SRPK2: variants seen among roughly 807,000 people sequenced by gnomAD.
The protein encoded by SRPK2 is SRSF protein kinase 2.
A neutral mutation model predicts 90.8 loss-of-function variants in SRPK2; 21 were observed. The ratio of observed to expected loss-of-function variants is 0.23; its 90% CI spans 0.16 to 0.33. SRPK2 has a LOEUF of 0.33. SRPK2 is among the 10% of genes least tolerant of loss of function. The pLI is 1.00. For synonymous variants in SRPK2, 288 were observed against 311.1 expected, an observed-to-expected ratio of 0.93 and a Z score of 0.78; for missense variants, 620 against 869.0, an observed-to-expected ratio of 0.71 and a Z score of 3.60.
Position 105,142,123 on chromosome 7 carries a change from C to T in SRPK2, c.1428G>A (p.Val476=), listed in dbSNP as rs1157891901. The T allele has an allele frequency of 1.2e-6, 2 of 1,614,160 alleles. No homozygotes were observed. The highest frequency in any genetic ancestry group is 1.7e-5 in the Admixed American group (1 of 60,030). Residue 476 remains valine, a synonymous_variant, in exon 11 of 16, where the codon GTG becomes GTA. Transcript: ENST00000393651. The part of the protein sequence containing the change: ...TSLFSGSLEP[V]ACGSVLSEGS... ...CCTCAGAAAGCACAGAGCCGCAGGC[C>T]ACAGGTTCTAAGGATCCAGAGAACA...
At position 105,290,931 on chromosome 7, in the gene SRPK2, G is replaced by A. The variant is rs370183124; in HGVS notation, c.72-87146C>T. 2.9e-3 allele frequency among the ~76,000 whole-genome samples: 429 copies of A among 150,122 alleles called. 10 individuals are homozygous for A. The East Asian group carries it at 0.052, about 18-fold the overall frequency. ...CGGGCGCCTGTAGTCCCAGCTACTC[G>A]GGAGGCTGAGGCAGGAGAATGGCGT... On this transcript the variant is annotated intron_variant, in intron 2 of 15. Coordinates refer to ENST00000393651, the MANE Select transcript of SRPK2 (RefSeq NM_182692.3).
intron 2 of SRPK2, among the ~76,000 whole-genome samples, chr7:105,273,825 T>G (rs1281004352): frequency 6.6e-6 from 1 of 152,328 alleles, no homozygotes; most frequent in East Asian, 1.9e-4. Context: ...CATAGTCTTC[T>G]CAGCCTGTTA....
chr7:105,301,756 G>A (rs1810581377), intron 2 of SRPK2: 1 of 1,598,754 alleles, frequency 6.3e-7, no homozygotes, highest in Non-Finnish European at 8.6e-7. Context: ...GTAAAGCAGA[G>A]TATATTAGCC....
At chr7:105,283,796 G>C (rs1261380249) in intron 2 of SRPK2, among the ~76,000 whole-genome samples, 1 of 152,024 alleles carries the variant, frequency 6.6e-6, no homozygotes, top group Non-Finnish European at 1.5e-5. Flanking sequence ...TTCGAGACCA[G>C]CCTAGGTAAC....
intron 2 of SRPK2, among the ~76,000 whole-genome samples, chr7:105,319,610 G>GT (rs747104276): frequency 2.5e-4 from 37 of 146,378 alleles, no homozygotes; most frequent in Non-Finnish European, 5.4e-4. Flanking sequence ...GGCCTGAGAA[G>GT]GACTCCGTAC....
At chr7:105,384,821 C>A (rs1821344999) in intron 2 of SRPK2, among the ~76,000 whole-genome samples, 2 of 152,042 alleles carry the variant, frequency 1.3e-5, no homozygotes, top group Admixed American at 1.3e-4. Flanking sequence ...TGCACTACTG[C>A]AGGCCACTTC....
intron 11 of SRPK2, among the ~76,000 whole-genome samples, chr7:105,134,229 G>T (rs533949899): frequency 6.6e-6 from 1 of 152,230 alleles, no homozygotes; most frequent in African/African-American, 2.4e-5. Flanking sequence ...GTTAGAAGAG[G>T]GGCCTGGTGA....
chr7:105,195,048 TTTTTTG>T (rs1451753332), intron 3 of SRPK2, among the ~76,000 whole-genome samples: 1 of 152,252 alleles, frequency 6.6e-6, no homozygotes, highest in Non-Finnish European at 1.5e-5. Flanking sequence ...TATATTTTTA[TTTTTTG>T]TTTTTATTTT....
At chr7:105,243,539 G>A (rs920674316) in intron 2 of SRPK2, among the ~76,000 whole-genome samples, 2 of 150,620 alleles carry the variant, frequency 1.3e-5, no homozygotes, top group Non-Finnish European at 2.9e-5. Flanking sequence ...GGGCGTGGTA[G>A]TGCATGCCTT....
intron 2 of SRPK2, among the ~76,000 whole-genome samples, chr7:105,224,793 T>A (rs1172459970): frequency 6.6e-6 from 1 of 152,186 alleles, no homozygotes; most frequent in African/African-American, 2.4e-5. Context: ...ATTCCTATTT[T>A]CTTTCATGAA....
At chr7:105,126,468 C>G in intron 14 of SRPK2, 128 bp from the exon 15 acceptor site, 1 of 706,884 alleles carries the variant, frequency 1.4e-6, no homozygotes, top group African/African-American at 1.8e-5. Context: ...GTCTGCAGCA[C>G]ATCCATGCAG....
At chr7:105,298,598 C>G (rs1175746539) in intron 2 of SRPK2, 4 of 457,050 alleles carry the variant, frequency 8.8e-6, no homozygotes, top group Non-Finnish European at 1.2e-5. Context: ...GGCAACACAG[C>G]AAGATGGTAT....
intron 2 of SRPK2, among the ~76,000 whole-genome samples, chr7:105,250,194 G>A (rs1412653685): frequency 1.1e-5 from 1 of 90,508 alleles, no homozygotes; most frequent in South Asian, 3.6e-4. Context: ...AGCCAGACAT[G>A]GTGGCAGGCA....
At chr7:105,336,076 T>C (rs764069171) in intron 2 of SRPK2, among the ~76,000 whole-genome samples, 2 of 152,228 alleles carry the variant, frequency 1.3e-5, no homozygotes, top group African/African-American at 2.4e-5. Flanking sequence ...TCAAATGTTA[T>C]CTTATTTACA....
chr7:105,126,924 A>G, intron 14 of SRPK2, 69 bp downstream of exon 14: 1 of 1,441,288 alleles, frequency 6.9e-7, no homozygotes, highest in Non-Finnish European at 9.7e-7. Flanking sequence ...ACAAAAATAC[A>G]GTACTCTACA....
intron 2 of SRPK2, among the ~76,000 whole-genome samples, chr7:105,366,114 A>G (rs946813341): frequency 2.0e-5 from 3 of 151,922 alleles, no homozygotes; most frequent in Non-Finnish European, 4.4e-5. Flanking sequence ...CGGCCTCCCA[A>G]AGTGCTGGGA....
chr7:105,332,195 A>G (rs535990655), intron 2 of SRPK2, among the ~76,000 whole-genome samples: 19 of 152,312 alleles, frequency 1.2e-4, no homozygotes, highest in African/African-American at 4.6e-4. Flanking sequence ...TACATTCCTC[A>G]CTGCCACCTG....
chr7:105,193,494 T>TA (rs1418682347), intron 3 of SRPK2, among the ~76,000 whole-genome samples: 3 of 152,228 alleles, frequency 2.0e-5, no homozygotes, highest in Non-Finnish European at 4.4e-5. Flanking sequence ...TCTTTTTGCT[T>TA]AGTCTTGCTT....
Position 105,345,189 on chromosome 7 carries a change from G to A in SRPK2, c.71+43459C>T, listed in dbSNP as rs535780743. Among the ~76,000 whole-genome samples the A allele has an allele frequency of 1.7e-4, 25 of 150,792 alleles. 2 individuals carry two copies. In the South Asian group the frequency reaches 4.2e-3, roughly 26 times the overall value. The stretch of plus-strand genomic sequence containing the variant: ...GGAAGGCAAGGGAGGAGAGGAGAGG[G>A]GAGGGGAGGGGAGGGGAAGGGAGGA... On this transcript the variant is annotated intron_variant, in intron 2 of 15. Transcript: ENST00000393651.
Sources: allele counts gnomAD v4.1 joint callset (sites outside exome capture counted in the v4.1 genomes callset), GRCh38; gene constraint gnomAD v4.1.1; transcripts MANE v1.5; gene names NCBI Gene and HGNC (gene_info 2026-07-23, HGNC 2026-07-21).